Variants in CDH4 observed in about 807,000 individuals in gnomAD.
CDH4 encodes the protein cadherin-4.
CDH4 carries 33 observed loss-of-function variants against 86.0 expected under a neutral mutation model. That is an observed-to-expected ratio of 0.38 (90% CI 0.29 to 0.51). CDH4 has a LOEUF of 0.51. Among genes scored for constraint, CDH4 ranks in the 20% least tolerant of loss-of-function variants. The pLI is 0.86. For missense variants in CDH4, 1,114 were observed against 1,307.4 expected (o/e 0.85, Z 2.28); for synonymous variants, 555 against 549.4 (o/e 1.01, Z -0.14).
chr20:61,694,778 G>A (rs376168739), intron 2 of CDH4, among the ~76,000 whole-genome samples: 78 of 152,316 alleles, frequency 5.1e-4, no homozygotes, highest in African/African-American at 1.8e-3. Flanking sequence ...ACCGTGAAGA[G>A]GAGATTAGCA....
intron 2 of CDH4, among the ~76,000 whole-genome samples, chr20:61,364,848 C>T (rs1173819056): frequency 6.6e-6 from 1 of 152,178 alleles, no homozygotes. Context: ...CACAGTGCGG[C>T]CCCCGACGAG....
At chr20:61,485,801 C>T (rs1275757045) in intron 2 of CDH4, among the ~76,000 whole-genome samples, 3 of 152,246 alleles carry the variant, frequency 2.0e-5, no homozygotes, top group African/African-American at 7.2e-5. Flanking sequence ...TCTCTCAGCA[C>T]TTGCCCCATA....
Position 61,623,659 on chromosome 20 carries a change from C to T in CDH4, c.170-119904C>T, listed in dbSNP as rs561178252. 7.9e-5 allele frequency among the ~76,000 whole-genome samples: 12 copies of T among 152,264 alleles called. No homozygotes were observed. The South Asian group carries it at 1.9e-3, about 24-fold the overall frequency. On this transcript the variant is annotated intron_variant, in intron 2 of 15. Transcript: ENST00000614565. This position sits in a 1 kb window ranked among gnomAD's most constrained non-coding sequence, Gnocchi z 4.4. ...CAGCTGATTCTGAGGGAGGTTCTGACGTCACCACGCAGCCCTGGGGACCAG... is the reference window on the plus strand; with the variant it reads ...CAGCTGATTCTGAGGGAGGTTCTGATGTCACCACGCAGCCCTGGGGACCAG...
At chr20:61,538,668 G>A (rs574473817) in intron 2 of CDH4, among the ~76,000 whole-genome samples, 1 of 152,316 alleles carries the variant, frequency 6.6e-6, no homozygotes, top group Non-Finnish European at 1.5e-5. Flanking sequence ...ACAGCTCCCA[G>A]TCCTCCCTGT....
chr20:61,293,276 T>C (rs114607973), intron 2 of CDH4, among the ~76,000 whole-genome samples: 2,241 of 151,908 alleles, frequency 0.015, 78 homozygotes, highest in East Asian at 0.13. Context: ...AGGATGAGGG[T>C]GGATGAGAGT....
chr20:61,889,483 AGTG>A (rs2122848777), intron 7 of CDH4, among the ~76,000 whole-genome samples: 1 of 10,520 alleles, frequency 9.5e-5, no homozygotes, highest in South Asian at 4.6e-3. Context: ...ATGATGGATG[AGTG>A]AGTGGATGAT....
chr20:61,376,555 T>C (rs1267002967), intron 2 of CDH4, among the ~76,000 whole-genome samples: 13 of 152,144 alleles, frequency 8.5e-5, no homozygotes, highest in Non-Finnish European at 1.5e-5. Flanking sequence ...TGGGACATTC[T>C]GATGCTGGAA....
intron 2 of CDH4, among the ~76,000 whole-genome samples, chr20:61,294,633 C>G (rs1479849428): frequency 6.6e-6 from 1 of 152,250 alleles, no homozygotes. Context: ...TTCCCCAGGC[C>G]TTACACCTGG....
At chr20:61,302,493 G>C in intron 2 of CDH4, among the ~76,000 whole-genome samples, 1 of 151,772 alleles carries the variant, frequency 6.6e-6, no homozygotes, top group South Asian at 2.1e-4. Context: ...GGTTGGGGGG[G>C]GTCTGTTGTC....
At chr20:61,427,018 A>T (rs1233378940) in intron 2 of CDH4, among the ~76,000 whole-genome samples, 1 of 152,240 alleles carries the variant, frequency 6.6e-6, no homozygotes, top group Admixed American at 6.5e-5. Flanking sequence ...TTATGACTGA[A>T]GTGAGAGTTG....
At chr20:61,313,726 T>C (rs570025431) in intron 2 of CDH4, among the ~76,000 whole-genome samples, 1 of 152,284 alleles carries the variant, frequency 6.6e-6, no homozygotes, top group Non-Finnish European at 1.5e-5. Flanking sequence ...CATGATGATT[T>C]TTTACATTTT....
At chr20:61,545,938 G>T (rs1232276179) in intron 2 of CDH4, among the ~76,000 whole-genome samples, 1 of 132,752 alleles carries the variant, frequency 7.5e-6, no homozygotes, top group Admixed American at 7.6e-5. Context: ...TGTGGAGGGG[G>T]TATGTGGGAT....
At chr20:61,374,090 A>G (rs1440845670) in intron 2 of CDH4, among the ~76,000 whole-genome samples, 2 of 152,144 alleles carry the variant, frequency 1.3e-5, no homozygotes, top group African/African-American at 4.8e-5. Context: ...CCAAGTTTTT[A>G]AACATCTATC....
At chr20:61,759,892 G>T (rs2088611525) in intron 3 of CDH4, among the ~76,000 whole-genome samples, 1 of 152,074 alleles carries the variant, frequency 6.6e-6, no homozygotes. Context: ...AACAAAGAAG[G>T]ATTCAGCCCA....
At chr20:61,318,138 T>G (rs368958524) in intron 2 of CDH4, among the ~76,000 whole-genome samples, 29 of 152,266 alleles carry the variant, frequency 1.9e-4, no homozygotes, top group African/African-American at 6.7e-4. Flanking sequence ...TGTGCTGTTG[T>G]GGTGGCAGGA....
At chr20:61,468,108 T>G (rs2145565882) in intron 2 of CDH4, among the ~76,000 whole-genome samples, 1 of 152,346 alleles carries the variant, frequency 6.6e-6, no homozygotes, top group Middle Eastern at 3.4e-3. Context: ...GAGTCTTTAT[T>G]TGGGACTCCA....
At chr20:61,665,661 C>T (rs989075867) in intron 2 of CDH4, among the ~76,000 whole-genome samples, 1 of 152,216 alleles carries the variant, frequency 6.6e-6, no homozygotes, top group Admixed American at 6.5e-5. Flanking sequence ...GTGCTCCCGG[C>T]AGGCTCATGT....
intron 2 of CDH4, among the ~76,000 whole-genome samples, chr20:61,481,877 A>T (rs1451033743): frequency 6.6e-6 from 1 of 152,196 alleles, no homozygotes; most frequent in Non-Finnish European, 1.5e-5. Flanking sequence ...TACTTATAAA[A>T]TATTCCCCCA....
At chr20:61,846,132 G>A (rs1222150437) in intron 5 of CDH4, among the ~76,000 whole-genome samples, 1 of 152,236 alleles carries the variant, frequency 6.6e-6, no homozygotes, top group African/African-American at 2.4e-5. Context: ...GAGCTGGATG[G>A]ATCCTGGGGA....
Sources: gnomAD v4.1 joint callset for allele counts (sites outside exome capture counted in the v4.1 genomes callset) on GRCh38, gnomAD v4.1.1 for gene constraint, Gnocchi (gnomAD v3.1) non-coding constraint, MANE v1.5 for transcripts, NCBI Gene and HGNC (gene_info 2026-07-23, HGNC 2026-07-21) for gene names.